The following CDYL variants were observed in gnomAD, a reference collection of about 807,000 sequenced individuals.
CDYL encodes the protein chromodomain Y like.
A neutral mutation model predicts 47.3 loss-of-function variants in CDYL; 8 were observed. The observed-to-expected ratio is 0.17, with a 90% CI of 0.10 to 0.31. CDYL has a LOEUF of 0.31. Among genes scored for constraint, CDYL ranks in the 10% least tolerant of loss-of-function variants. The probability of loss-of-function intolerance (pLI) is 1.00; values close to 1 mark genes in which losing one functional copy is unlikely to be tolerated. For missense variants in CDYL, 471 were observed against 701.4 expected (o/e 0.67, Z 3.71); for synonymous variants, 266 against 265.0 (o/e 1.00, Z -0.04).
At chr6:4,846,204 G>T (rs1561666778) in intron 1 of CDYL, among the ~76,000 whole-genome samples, 1 of 151,178 alleles carries the variant, frequency 6.6e-6, no homozygotes, top group East Asian at 1.9e-4. Context: ...AAAAAAGGTG[G>T]ATATGGCTAT....
intron 3 of CDYL, among the ~76,000 whole-genome samples, chr6:4,739,577 A>AT (rs369611227): frequency 4.6e-5 from 7 of 152,116 alleles, no homozygotes; most frequent in African/African-American, 1.4e-4. Flanking sequence ...TTTATACAGT[A>AT]TAATACCACT....
chr6:4,822,565 G>C (rs1369281716), intron 1 of CDYL, among the ~76,000 whole-genome samples: 2 of 151,912 alleles, frequency 1.3e-5, no homozygotes, highest in African/African-American at 2.4e-5. Flanking sequence ...TCTAATCCTG[G>C]CAATGAGGGT....
chr6:4,910,135 CAT>C (rs961705125), intron 2 of CDYL, among the ~76,000 whole-genome samples: 7 of 151,966 alleles, frequency 4.6e-5, no homozygotes, highest in Non-Finnish European at 1.0e-4. Context: ...CCATCTAAAA[CAT>C]AGCGCTCAGC....
intron 3 of CDYL, among the ~76,000 whole-genome samples, chr6:4,758,138 G>A (rs1213963014): frequency 4.0e-5 from 6 of 151,206 alleles, no homozygotes; most frequent in Non-Finnish European, 7.4e-5. Context: ...TCAGGAGTTC[G>A]AGACCAGCCT....
chr6:4,792,496 A>G (rs939998203), intron 1 of CDYL, among the ~76,000 whole-genome samples: 1 of 150,164 alleles, frequency 6.7e-6, no homozygotes, highest in African/African-American at 2.5e-5. Flanking sequence ...CAGTGGCATG[A>G]TCTCCGCTCA....
intron 1 of CDYL, among the ~76,000 whole-genome samples, chr6:4,779,632 A>C (rs1204117453): frequency 6.6e-6 from 1 of 152,212 alleles, no homozygotes; most frequent in Admixed American, 6.5e-5. Context: ...TGAAGGATGG[A>C]ATAGATTTAC....
At chr6:4,807,039 C>A (rs368265442) in intron 1 of CDYL, among the ~76,000 whole-genome samples, 2 of 152,194 alleles carry the variant, frequency 1.3e-5, no homozygotes, top group Non-Finnish European at 2.9e-5. Context: ...TTCCTCTGTG[C>A]GTGCGTGCAC....
chr6:4,776,695 G>C lies in CDYL; in HGVS notation c.-89G>C, dbSNP rs1758461521. ...CGCGGGAGCAGGAAGCGCAGGCCAC[G>C]CAGGACCCAACTGAAACAAAGTGTC... On this transcript the variant is annotated 5_prime_UTR_variant, in exon 1 of 7. Transcript: ENST00000397588. The C allele has an allele frequency of 2.5e-6, 3 of 1,213,770 alleles. No homozygotes were observed. The highest frequency in any genetic ancestry group is 1.6e-5 in the African/African-American group (1 of 60,692). The allele number at this position is 1,213,770 out of a possible 1,614,324, so 75.2% of individuals were successfully genotyped here.
intron 2 of CDYL, among the ~76,000 whole-genome samples, chr6:4,730,674 C>CAA (rs56956798): frequency 0.014 from 875 of 60,376 alleles, 62 homozygotes; most frequent in African/African-American, 0.018. Flanking sequence ...AATTCCATCT[C>CAA]AAAAAAAAAA....
At position 4,736,580 on chromosome 6, in the gene CDYL, G is replaced by A. The variant is rs567851245; in HGVS notation, c.186+1736G>A. 8.4e-4 allele frequency among the ~76,000 whole-genome samples: 128 copies of A among 152,216 alleles called. 1 individual carries two copies. The highest frequency in any genetic ancestry group is 2.9e-3 in the African/African-American group (122 of 41,542). ...GGGACATGGCTGCAGGGCTGGTTTGGTGGCCTCTTGGTGAGGTTTGCAGAA... is the reference window on the plus strand; with the variant it reads ...GGGACATGGCTGCAGGGCTGGTTTGATGGCCTCTTGGTGAGGTTTGCAGAA... On this transcript the variant is annotated intron_variant, in intron 3 of 8. Coordinates refer to the CDYL transcript ENST00000328908.
At chr6:4,848,492 G>T (rs1467459290) in intron 1 of CDYL, among the ~76,000 whole-genome samples, 1 of 152,198 alleles carries the variant, frequency 6.6e-6, no homozygotes, top group Non-Finnish European at 1.5e-5. Context: ...TTTGACAAAT[G>T]CATCAATGAC....
In CDYL at chr6:4,928,336, A is replaced by AT. The variant is rs532245683; in HGVS notation, c.692-7171dup. On this transcript the variant is annotated intron_variant, in intron 2 of 6. Transcript: ENST00000397588. The stretch of plus-strand genomic sequence containing the variant: ...TTGATGTTTTCTGTTTGTTTATTCC[A>AT]TTTTTTTTAAGTTGTTTATTCCTAA... 9.3e-5 allele frequency among the ~76,000 whole-genome samples: 14 copies of AT among 151,078 alleles called. No individual in the cohort carries two copies. In the South Asian group the frequency reaches 1.0e-3, roughly 11 times the overall value.
At chr6:4,795,278 G>A (rs1277971766) in intron 1 of CDYL, among the ~76,000 whole-genome samples, 2 of 151,936 alleles carry the variant, frequency 1.3e-5, no homozygotes, top group Non-Finnish European at 2.9e-5. Flanking sequence ...TTCTGATGTT[G>A]AGCCATCCTT....
At chr6:4,757,840 C>A (rs564032731) in intron 3 of CDYL, among the ~76,000 whole-genome samples, 17 of 152,128 alleles carry the variant, frequency 1.1e-4, no homozygotes, top group African/African-American at 3.6e-4. Context: ...AGTTGTAGAC[C>A]AGCCTGGGCA....
intron 2 of CDYL, among the ~76,000 whole-genome samples, chr6:4,733,627 A>C (rs1244743913): frequency 1.3e-5 from 2 of 152,162 alleles, no homozygotes; most frequent in Non-Finnish European, 2.9e-5. Context: ...ACTCAGTTTT[A>C]AGAGAAACTT....
intron 2 of CDYL, among the ~76,000 whole-genome samples, chr6:4,727,370 CTG>C (rs1238270001): frequency 2.0e-5 from 3 of 152,168 alleles, no homozygotes; most frequent in Admixed American, 6.5e-5. Flanking sequence ...CTCTCAAACA[CTG>C]TAAAACAGGT....
chr6:4,742,212 T>G (rs1204466995), intron 3 of CDYL, among the ~76,000 whole-genome samples: 1 of 151,782 alleles, frequency 6.6e-6, no homozygotes, highest in Non-Finnish European at 1.5e-5. Context: ...AATAAAATTT[T>G]TTTTAATTAG....
At chr6:4,811,627 T>G (rs1406523109) in intron 1 of CDYL, among the ~76,000 whole-genome samples, 1 of 149,456 alleles carries the variant, frequency 6.7e-6, no homozygotes, top group East Asian at 1.9e-4. Context: ...TTTTTTTTTT[T>G]GAGACAGGGT....
At position 4,891,842 on chromosome 6, in the gene CDYL, A is replaced by G. The variant is rs1441777102; in HGVS notation, c.154A>G (p.Ile52Val). 3 of 1,614,224 alleles carry G rather than the reference A, an allele frequency of 1.9e-6. No homozygotes were observed. Among genetic ancestry groups the G allele is most frequent in the South Asian group, 1.1e-5 (1 of 91,080 alleles). The change falls in exon 2 of 7, where the codon ATC (isoleucine) becomes GTC (valine). Residue 52 changes from isoleucine (I) to valine (V), a missense_variant. Transcript: ENST00000397588. ...GCACCTCGTGAACTGTGAGGAATAC[A>G]TCCACGACTTCAACAGACGCCACAC... The part of the protein sequence containing the change: ...EQHLVNCEEY[I>V]HDFNRRHTEK...
Sources: gnomAD v4.1 joint callset for allele counts (sites outside exome capture counted in the v4.1 genomes callset) on GRCh38, gnomAD v4.1.1 for gene constraint, MANE v1.5 for transcripts, NCBI Gene and HGNC (gene_info 2026-07-23, HGNC 2026-07-21) for gene names.